PRKG1: variants seen among roughly 807,000 people sequenced by gnomAD.
PRKG1 encodes the protein cGMP-dependent protein kinase 1.
PRKG1 carries 35 observed loss-of-function variants against 88.1 expected under a neutral mutation model. That is an observed-to-expected ratio of 0.40 (90% CI 0.30 to 0.53). PRKG1 has a LOEUF of 0.53. Ranked by LOEUF, PRKG1 falls within the 20% of genes least tolerant of loss-of-function variation. The pLI, the probability that PRKG1 is intolerant of heterozygous loss-of-function variation, is 0.59. For missense variants in PRKG1, 540 were observed against 839.8 expected (o/e 0.64, Z 4.41); for synonymous variants, 303 against 292.5 (o/e 1.04, Z -0.37).
At chr10:51,240,174 T>A (rs1271711745) in intron 2 of PRKG1, among the ~76,000 whole-genome samples, 1 of 152,206 alleles carries the variant, frequency 6.6e-6, no homozygotes, top group East Asian at 1.9e-4. Context: ...GTTTAATTGT[T>A]AAATAAAAAA....
At chr10:51,268,971 G>C (rs984285859) in intron 2 of PRKG1, among the ~76,000 whole-genome samples, 3 of 152,132 alleles carry the variant, frequency 2.0e-5, no homozygotes, top group Admixed American at 2.0e-4. Flanking sequence ...CCTTCCATTC[G>C]GGGTCCCTGA....
chr10:51,462,387 G>A (rs1473579641), intron 2 of PRKG1, among the ~76,000 whole-genome samples: 4 of 152,164 alleles, frequency 2.6e-5, no homozygotes, highest in Non-Finnish European at 5.9e-5. Context: ...AGAGGTTAGT[G>A]AAAAACTCAT....
intron 2 of PRKG1, among the ~76,000 whole-genome samples, chr10:51,279,292 T>C (rs893404555): frequency 2.0e-5 from 3 of 152,224 alleles, no homozygotes; most frequent in Non-Finnish European, 4.4e-5. Context: ...TCCTGAGTTC[T>C]AGTTTGATTG....
intron 3 of PRKG1, among the ~76,000 whole-genome samples, chr10:51,674,881 A>G (rs1157888312): frequency 6.6e-6 from 1 of 152,184 alleles, no homozygotes; most frequent in Admixed American, 6.5e-5. Context: ...TGAATGCATA[A>G]ATATTAATAT....
chr10:52,089,453 G>A (rs1846996395), intron 7 of PRKG1, among the ~76,000 whole-genome samples: 1 of 152,158 alleles, frequency 6.6e-6, no homozygotes, highest in Admixed American at 6.5e-5. Flanking sequence ...GATGTATCAA[G>A]TTGAGATTTT....
At chr10:51,212,163 A>C (rs969207826) in intron 2 of PRKG1, among the ~76,000 whole-genome samples, 1 of 152,088 alleles carries the variant, frequency 6.6e-6, no homozygotes, top group Non-Finnish European at 1.5e-5. Context: ...ATAATGCCGC[A>C]TATCTACAAC....
chr10:51,257,432 T>C (rs2132152638), intron 2 of PRKG1, among the ~76,000 whole-genome samples: 1 of 152,308 alleles, frequency 6.6e-6, no homozygotes, highest in East Asian at 1.9e-4. Context: ...GAAAACAAAA[T>C]TTTTAACCAG....
intron 3 of PRKG1, among the ~76,000 whole-genome samples, chr10:51,521,875 TA>T (rs1373453798): frequency 1.8e-4 from 28 of 152,190 alleles, no homozygotes; most frequent in African/African-American, 6.8e-4. Flanking sequence ...GCATTTAACA[TA>T]AGGCTGTGAA....
intron 4 of PRKG1, among the ~76,000 whole-genome samples, chr10:51,889,233 C>T (rs7912935): frequency 3.1e-4 from 41 of 131,524 alleles, no homozygotes; most frequent in African/African-American, 9.8e-4. Context: ...CAACAGGCCC[C>T]GGTGTGTGAT....
intron 2 of PRKG1, among the ~76,000 whole-genome samples, chr10:51,158,366 C>T (rs140292860): frequency 1.6e-4 from 25 of 151,884 alleles, no homozygotes; most frequent in African/African-American, 5.1e-4. Context: ...AAGGAATGTG[C>T]GGTGCTAACT....
At chr10:52,183,946 A>T (rs531508147) in intron 9 of PRKG1, among the ~76,000 whole-genome samples, 2 of 152,296 alleles carry the variant, frequency 1.3e-5, no homozygotes, top group South Asian at 4.2e-4. Context: ...TACAGGGGGA[A>T]GTCCCTCCTG....
intron 8 of PRKG1, among the ~76,000 whole-genome samples, chr10:52,134,687 A>C (rs2132637319): frequency 6.6e-6 from 1 of 152,278 alleles, no homozygotes; most frequent in African/African-American, 2.4e-5. Flanking sequence ...TAGTGGAGCC[A>C]TTCAAACTGG....
Position 51,710,782 on chromosome 10 carries a change from C to T in PRKG1, c.593-93803C>T, listed in dbSNP as rs1053241896. ...AAGTGAAGCATGATAACTTGCTAACCGGGGACAGTAGAGTCAATGTGCCTG... is the reference window on the plus strand; with the variant it reads ...AAGTGAAGCATGATAACTTGCTAACTGGGGACAGTAGAGTCAATGTGCCTG... On this transcript the variant is annotated intron_variant, in intron 3 of 17. Coordinates refer to ENST00000373980, the MANE Select transcript of PRKG1 (RefSeq NM_006258.4). 6.6e-5 allele frequency among the ~76,000 whole-genome samples: 10 copies of T among 152,138 alleles called. No homozygotes were observed. The East Asian group carries it at 1.4e-3, about 21-fold the overall frequency.
At chr10:51,083,494 T>A (rs1291991469) in intron 1 of PRKG1, among the ~76,000 whole-genome samples, 1 of 148,988 alleles carries the variant, frequency 6.7e-6, no homozygotes, top group Non-Finnish European at 1.5e-5. Context: ...TGGTATGTGA[T>A]GTCTCTGCAG....
chr10:51,713,942 A>G (rs754371530), intron 3 of PRKG1, among the ~76,000 whole-genome samples: 1 of 152,294 alleles, frequency 6.6e-6, no homozygotes, highest in East Asian at 1.9e-4. Flanking sequence ...TCAGTAGATC[A>G]GTGTTCACTG....
At chr10:51,180,281 TG>T in intron 2 of PRKG1, among the ~76,000 whole-genome samples, 1 of 152,320 alleles carries the variant, frequency 6.6e-6, no homozygotes, top group Non-Finnish European at 1.5e-5. Context: ...ATGTAAGGGC[TG>T]CTTGGTTGGT....
intron 2 of PRKG1, among the ~76,000 whole-genome samples, chr10:51,419,494 A>T (rs991345854): frequency 2.0e-5 from 3 of 152,278 alleles, no homozygotes; most frequent in Non-Finnish European, 4.4e-5. Flanking sequence ...GGGCTAATCA[A>T]TTTTTTCCTG....
At chr10:52,090,766 T>C (rs1847036280) in intron 7 of PRKG1, among the ~76,000 whole-genome samples, 1 of 152,218 alleles carries the variant, frequency 6.6e-6, no homozygotes, top group Non-Finnish European at 1.5e-5. Flanking sequence ...CTAACTTTTA[T>C]GGCAGGTTAT....
intron 3 of PRKG1, among the ~76,000 whole-genome samples, chr10:51,660,196 A>C (rs1840263814): frequency 6.6e-6 from 1 of 151,760 alleles, no homozygotes; most frequent in Non-Finnish European, 1.5e-5. Context: ...CAAATGACAC[A>C]GGAAGGCTGA....
Sources: allele counts gnomAD v4.1 joint callset (sites outside exome capture counted in the v4.1 genomes callset), GRCh38; gene constraint gnomAD v4.1.1; transcripts MANE v1.5; gene names NCBI Gene and HGNC (gene_info 2026-07-23, HGNC 2026-07-21).